Variants in NTF3 observed in about 807,000 individuals in gnomAD.
The protein encoded by NTF3 is neurotrophin 3.
A neutral mutation model predicts 26.3 loss-of-function variants in NTF3; 8 were observed. The observed-to-expected ratio is 0.30, with a 90% CI of 0.18 to 0.55. NTF3 has a LOEUF of 0.55. Among genes scored for constraint, NTF3 ranks in the 20% least tolerant of loss-of-function variants. The probability of loss-of-function intolerance (pLI) is 0.93; values close to 1 mark genes in which losing one functional copy is unlikely to be tolerated. For missense variants in NTF3, 276 were observed against 352.9 expected (o/e 0.78, Z 1.75); for synonymous variants, 154 against 145.5 (o/e 1.06, Z -0.42).
chr12:5,487,181 G>A (rs1940877216), intron 1 of NTF3, among the ~76,000 whole-genome samples: 1 of 152,204 alleles, frequency 6.6e-6, no homozygotes, highest in Non-Finnish European at 1.5e-5. Context: ...TTGCCAAGAT[G>A]GGGCTAAGCC....
chr12:5,454,384 C>T (rs929581940), intron 1 of NTF3, among the ~76,000 whole-genome samples: 13 of 152,162 alleles, frequency 8.5e-5, no homozygotes, highest in African/African-American at 2.9e-4. Flanking sequence ...CTCATTTTAA[C>T]TTGGTTACCT....
In NTF3 at chr12:5,456,127, C is replaced by T. The variant is rs1470082537; in HGVS notation, c.18+23785C>T. On this transcript the variant is annotated intron_variant, in intron 1 of 1. Coordinates refer to ENST00000423158, the MANE Select transcript of NTF3 (RefSeq NM_001102654.2). The surrounding 1 kb of genome is among the most constrained non-coding windows in gnomAD (Gnocchi z 4.4). ...CAGTCGTCAGCTGAGGTTGAGCTTT[C>T]CTTAGCAGGAGCACTGGTCACTTGG... Among the ~76,000 whole-genome samples, 2 of 152,194 alleles carry T rather than the reference C, an allele frequency of 1.3e-5. No individual in the cohort carries two copies. Among genetic ancestry groups the T allele is most frequent in the Non-Finnish European group, 2.9e-5 (2 of 68,032 alleles).
intron 1 of NTF3, among the ~76,000 whole-genome samples, chr12:5,434,201 C>A (rs1453577726): frequency 6.6e-6 from 1 of 152,346 alleles, no homozygotes; most frequent in East Asian, 1.9e-4. Context: ...CCAACCCCCT[C>A]TGCCTTGGGC....
At chr12:5,493,445 C>T (rs922268860) in intron 1 of NTF3, among the ~76,000 whole-genome samples, 2 of 152,248 alleles carry the variant, frequency 1.3e-5, no homozygotes, top group African/African-American at 4.8e-5. Flanking sequence ...GGTTATTCTG[C>T]ATCTCTGTCT....
intron 1 of NTF3, among the ~76,000 whole-genome samples, chr12:5,434,958 T>C (rs1235991549): frequency 6.6e-6 from 1 of 152,054 alleles, no homozygotes; most frequent in African/African-American, 2.4e-5. Flanking sequence ...ATCCTCTTTA[T>C]GGAAAGACAA....
At chr12:5,457,163 G>A (rs1171597195) in intron 1 of NTF3, among the ~76,000 whole-genome samples, 1 of 152,228 alleles carries the variant, frequency 6.6e-6, no homozygotes, top group African/African-American at 2.4e-5. Flanking sequence ...AGGATTTGAG[G>A]TATGCATGGT....
chr12:5,483,393 C>T (rs1017268863), intron 1 of NTF3, among the ~76,000 whole-genome samples: 3 of 152,142 alleles, frequency 2.0e-5, no homozygotes, highest in Non-Finnish European at 2.9e-5. Context: ...GTTCCAGCCC[C>T]GAGTAGTTGG....
chr12:5,448,382 G>A (rs1285914561), intron 1 of NTF3, among the ~76,000 whole-genome samples: 1 of 152,118 alleles, frequency 6.6e-6, no homozygotes, highest in African/African-American at 2.4e-5. Flanking sequence ...CCTGAGTTGG[G>A]TGGTTGCTAA....
chr12:5,451,443 A>C (rs1161919846), intron 1 of NTF3, among the ~76,000 whole-genome samples: 1 of 152,210 alleles, frequency 6.6e-6, no homozygotes, highest in Non-Finnish European at 1.5e-5. Context: ...GAAAGATAAC[A>C]GCTAAGCCTT....
chr12:5,463,443 G>T (rs1940548511), intron 1 of NTF3, among the ~76,000 whole-genome samples: 1 of 152,148 alleles, frequency 6.6e-6, no homozygotes, highest in South Asian at 2.1e-4. Flanking sequence ...TTCGAAGGTG[G>T]CAGATAACAA....
At chr12:5,437,204 A>T (rs1940177730) in intron 1 of NTF3, among the ~76,000 whole-genome samples, 1 of 152,202 alleles carries the variant, frequency 6.6e-6, no homozygotes, top group Admixed American at 6.5e-5. Context: ...CTCCTGGCTC[A>T]GAGTCAGGCT....
intron 1 of NTF3, among the ~76,000 whole-genome samples, chr12:5,443,839 A>ATG (rs1336712367): frequency 6.6e-6 from 1 of 151,736 alleles, no homozygotes. Flanking sequence ...TTGCCTTTTG[A>ATG]TGTGTGTGTG....
intron 1 of NTF3, among the ~76,000 whole-genome samples, chr12:5,478,088 G>T (rs1238411735): frequency 6.6e-6 from 1 of 152,198 alleles, no homozygotes; most frequent in Middle Eastern, 3.2e-3. Context: ...AAACTAGCTG[G>T]ATATCAAATG....
intron 1 of NTF3, among the ~76,000 whole-genome samples, chr12:5,488,900 G>A (rs1204312400): frequency 1.3e-5 from 2 of 152,152 alleles, no homozygotes; most frequent in Non-Finnish European, 2.9e-5. Flanking sequence ...CAGAAATAAT[G>A]AAATCTCTTG....
Position 5,494,530 on chromosome 12 carries a change from C to T in NTF3, c.355C>T (p.Leu119=). The T allele has an allele frequency of 6.2e-7, 1 of 1,614,106 alleles. No homozygotes were observed. Among genetic ancestry groups the T allele is most frequent in the Non-Finnish European group, 8.5e-7 (1 of 1,180,040 alleles). ...QRRYNSPRVL[L]SDSTPLEPPP... ...ACGCTACAACTCACCGCGGGTCCTG[C>T]TGAGCGACAGCACCCCCTTGGAGCC... Residue 119 remains leucine (L), a synonymous_variant, in exon 2 of 2, where the codon CTG becomes TTG. Coordinates refer to ENST00000423158, the MANE Select transcript of NTF3 (RefSeq NM_001102654.2). The surrounding 1 kb of genome is among the most constrained non-coding windows in gnomAD (Gnocchi z 8.3).
At chr12:5,462,486 A>G (rs1940537049) in intron 1 of NTF3, among the ~76,000 whole-genome samples, 1 of 152,208 alleles carries the variant, frequency 6.6e-6, no homozygotes, top group Admixed American at 6.5e-5. Flanking sequence ...ATAACATGTA[A>G]GATAATTTGT....
intron 1 of NTF3, among the ~76,000 whole-genome samples, chr12:5,462,370 T>C (rs1309198213): frequency 6.6e-6 from 1 of 152,236 alleles, no homozygotes; most frequent in Non-Finnish European, 1.5e-5. Context: ...GACCTACTAC[T>C]TAATAATAAT....
At chr12:5,453,183 G>A (rs553910601) in intron 1 of NTF3, among the ~76,000 whole-genome samples, 1 of 152,284 alleles carries the variant, frequency 6.6e-6, no homozygotes, top group Admixed American at 6.5e-5. Context: ...AATTAGTTTT[G>A]AAAAGAATAA....
chr12:5,451,732 G>C (rs1549035), intron 1 of NTF3, among the ~76,000 whole-genome samples: 146,166 of 152,278 alleles, frequency 0.96, 70,445 homozygotes, highest in East Asian at 1. Context: ...ACTTTGTCTT[G>C]TAGACTCGCG....
Sources: gnomAD v4.1 joint callset for allele counts (sites outside exome capture counted in the v4.1 genomes callset) on GRCh38, gnomAD v4.1.1 for gene constraint, Gnocchi (gnomAD v3.1) non-coding constraint, MANE v1.5 for transcripts, NCBI Gene and HGNC (gene_info 2026-07-23, HGNC 2026-07-21) for gene names.